EYS: variants seen among roughly 807,000 people sequenced by gnomAD.
EYS encodes EGF-like photoreceptor maintenance factor.
Under a neutral mutation model 282.1 loss-of-function variants are expected in EYS, and 250 were observed. That is an observed-to-expected ratio of 0.89 (90% CI 0.80 to 0.98). The LOEUF (loss-of-function observed/expected upper bound fraction) is 0.98. EYS is among the 50% of genes least tolerant of loss of function. The probability of loss-of-function intolerance (pLI) is 0.00; values close to 1 mark genes in which losing one functional copy is unlikely to be tolerated. For missense variants in EYS, 4,016 were observed against 3,709.0 expected, an observed-to-expected ratio of 1.08 and a Z score of -2.15; for synonymous variants, 1,355 against 1,282.9, an observed-to-expected ratio of 1.06 and a Z score of -1.20.
chr6:63,902,718 T>A (rs2149732427), intron 35 of EYS, among the ~76,000 whole-genome samples: 1 of 151,954 alleles, frequency 6.6e-6, no homozygotes, highest in Non-Finnish European at 1.5e-5. Context: ...ACTAAGAAAA[T>A]AATACAAAAT....
intron 33 of EYS, among the ~76,000 whole-genome samples, chr6:64,029,695 G>C (rs1769724500): frequency 6.6e-6 from 1 of 152,212 alleles, no homozygotes; most frequent in African/African-American, 2.4e-5. Context: ...GTGGAGAATG[G>C]GATACGAAGG....
At chr6:63,996,505 G>A (rs186038604) in intron 34 of EYS, among the ~76,000 whole-genome samples, 9 of 151,958 alleles carry the variant, frequency 5.9e-5, no homozygotes, top group East Asian at 1.9e-4. Flanking sequence ...CATAAATCAC[G>A]TTCAGCACAT....
At chr6:64,633,316 A>G (rs1011224269) in intron 22 of EYS, among the ~76,000 whole-genome samples, 1 of 152,166 alleles carries the variant, frequency 6.6e-6, no homozygotes, top group African/African-American at 2.4e-5. Flanking sequence ...ATGAAACTCA[A>G]AGTAGTTCCT....
At chr6:63,799,794 A>G (rs1190242203) in intron 37 of EYS, among the ~76,000 whole-genome samples, 1 of 152,254 alleles carries the variant, frequency 6.6e-6, no homozygotes, top group Non-Finnish European at 1.5e-5. Flanking sequence ...AGTGCTATGT[A>G]GGCTTTGTGT....
intron 1 of EYS, among the ~76,000 whole-genome samples, chr6:65,664,753 AGGGAGTAAACAGAGATCCTTTT>A (rs1768141365): frequency 6.6e-6 from 1 of 152,190 alleles, no homozygotes; most frequent in East Asian, 1.9e-4. Context: ...TTTCTTTCAG[AGGGAGTAAACAGAGATCCTTTT>A]AATAATTATG....
At chr6:65,361,353 T>G (rs563299512) in intron 8 of EYS, among the ~76,000 whole-genome samples, 7 of 86,256 alleles carry the variant, frequency 8.1e-5, no homozygotes, top group African/African-American at 2.7e-4. Flanking sequence ...CCCTAAAACT[T>G]AAAGTATAAT....
At chr6:65,010,430 T>G (rs1441933985) in intron 13 of EYS, among the ~76,000 whole-genome samples, 2 of 152,238 alleles carry the variant, frequency 1.3e-5, no homozygotes, top group African/African-American at 4.8e-5. Flanking sequence ...ACTGCGCACT[T>G]GTGCAACTCT....
At chr6:63,756,945 A>G (rs1769501778) in intron 41 of EYS, among the ~76,000 whole-genome samples, 1 of 152,068 alleles carries the variant, frequency 6.6e-6, no homozygotes, top group Admixed American at 6.6e-5. Flanking sequence ...CAGGACCACT[A>G]TTGTGTTAAA....
rs148237603 is a variant in EYS, at chr6:64,573,830, C to T, written c.5644+16393G>A. Among the ~76,000 whole-genome samples, 81 of 152,078 alleles carry T rather than the reference C, an allele frequency of 5.3e-4. No homozygotes were observed. The East Asian group carries it at 0.012, about 22-fold the overall frequency. ...GGAATGCTTTTACACTGTTGGTGGGCGTGTAAATTAGTTCAATCATTGTGG... is the reference window on the plus strand; with the variant it reads ...GGAATGCTTTTACACTGTTGGTGGGTGTGTAAATTAGTTCAATCATTGTGG... On this transcript the variant is annotated intron_variant, in intron 26 of 42. Transcript: ENST00000503581.
intron 41 of EYS, among the ~76,000 whole-genome samples, chr6:63,742,494 T>C (rs899176663): frequency 6.6e-6 from 1 of 152,144 alleles, no homozygotes; most frequent in African/African-American, 2.4e-5. Context: ...AGAAAGGAAA[T>C]CTTAGGCTTT....
intron 15 of EYS, 73 bp downstream of exon 15, chr6:64,945,720 T>C: frequency 7.6e-7 from 1 of 1,316,992 alleles, no homozygotes; most frequent in Non-Finnish European, 1.0e-6. Context: ...GTGAAAATAA[T>C]GTCTGGATGT....
intron 2 of EYS, among the ~76,000 whole-genome samples, chr6:65,541,154 C>G (rs1768154842): frequency 6.6e-6 from 1 of 152,046 alleles, no homozygotes; most frequent in Non-Finnish European, 1.5e-5. Flanking sequence ...GGAAATATAG[C>G]CCTTAAAGTT....
At chr6:65,462,268 A>T (rs1373563580) in intron 5 of EYS, among the ~76,000 whole-genome samples, 1 of 152,124 alleles carries the variant, frequency 6.6e-6, no homozygotes, top group African/African-American at 2.4e-5. Flanking sequence ...TCAAACTATA[A>T]TGACAAAGAA....
intron 12 of EYS, among the ~76,000 whole-genome samples, chr6:65,146,185 A>G (rs1764473510): frequency 6.6e-6 from 1 of 151,876 alleles, no homozygotes; most frequent in Non-Finnish European, 1.5e-5. Context: ...ACTTTCTGAT[A>G]TTTATTTAAA....
intron 2 of EYS, among the ~76,000 whole-genome samples, chr6:65,572,952 C>T (rs1764530624): frequency 6.6e-6 from 1 of 152,060 alleles, no homozygotes; most frequent in Non-Finnish European, 1.5e-5. Flanking sequence ...TAGATGTTAT[C>T]AAGACAATTG....
At chr6:63,788,815 A>C (rs896394185) in intron 38 of EYS, among the ~76,000 whole-genome samples, 1 of 152,220 alleles carries the variant, frequency 6.6e-6, no homozygotes, top group African/African-American at 2.4e-5. Flanking sequence ...ACGCTCAAGC[A>C]TCACCTTCTC....
chr6:64,199,888 T>C (rs1343248372), intron 31 of EYS, among the ~76,000 whole-genome samples: 2 of 152,184 alleles, frequency 1.3e-5, no homozygotes, highest in Non-Finnish European at 2.9e-5. Context: ...GAATGTTTAT[T>C]GCAGGTTTTT....
intron 12 of EYS, among the ~76,000 whole-genome samples, chr6:65,070,653 T>A (rs994107363): frequency 1.3e-5 from 2 of 151,872 alleles, no homozygotes; most frequent in African/African-American, 4.8e-5. Flanking sequence ...CCATTCTAGA[T>A]GAGACTTATT....
intron 35 of EYS, among the ~76,000 whole-genome samples, chr6:63,969,950 C>A (rs1025124538): frequency 1.3e-5 from 2 of 152,206 alleles, no homozygotes; most frequent in Non-Finnish European, 2.9e-5. Flanking sequence ...TCACAGGCAA[C>A]TGAGACCCTG....
Sources: allele counts gnomAD v4.1 joint callset (sites outside exome capture counted in the v4.1 genomes callset), GRCh38; gene constraint gnomAD v4.1.1; transcripts MANE v1.5; gene names NCBI Gene and HGNC (gene_info 2026-07-23, HGNC 2026-07-21).